Variants in GSE1 observed in about 807,000 individuals in gnomAD.
GSE1 encodes the protein genetic suppressor element 1.
GSE1 carries 32 observed loss-of-function variants against 112.6 expected under a neutral mutation model. That is an observed-to-expected ratio of 0.28 (90% CI 0.21 to 0.38). GSE1 has a LOEUF of 0.38. Ranked by LOEUF, GSE1 falls within the 10% of genes least tolerant of loss-of-function variation. The pLI is 1.00. For missense variants in GSE1, 2,348 were observed against 1,699.2 expected (o/e 1.38, Z -6.71); for synonymous variants, 1,115 against 735.6 (o/e 1.52, Z -8.35).
At chr16:85,569,688 T>C (rs1206269019) in intron 1 of GSE1, among the ~76,000 whole-genome samples, 3 of 152,214 alleles carry the variant, frequency 2.0e-5, no homozygotes, top group African/African-American at 4.8e-5. Flanking sequence ...CACACGGGTA[T>C]ATGCGGATGA....
intron 1 of GSE1, among the ~76,000 whole-genome samples, chr16:85,242,362 C>T (rs1905236074): frequency 6.6e-6 from 1 of 152,194 alleles, no homozygotes; most frequent in East Asian, 1.9e-4. Flanking sequence ...GTCACCCTCC[C>T]CGCACCCCCA....
chr16:85,562,828 C>T (rs901171753), intron 1 of GSE1, among the ~76,000 whole-genome samples: 3 of 152,054 alleles, frequency 2.0e-5, no homozygotes, highest in Non-Finnish European at 4.4e-5. Flanking sequence ...GGTCAGGAGA[C>T]CTCGCAGGCC....
At chr16:85,202,742 C>G (rs1209602451) in intron 1 of GSE1, among the ~76,000 whole-genome samples, 1 of 152,252 alleles carries the variant, frequency 6.6e-6, no homozygotes, top group Non-Finnish European at 1.5e-5. Context: ...CACCCAGCTC[C>G]CTGTGTCTGT....
At chr16:85,619,108 G>T (rs2048562105) in intron 1 of GSE1, among the ~76,000 whole-genome samples, 1 of 152,180 alleles carries the variant, frequency 6.6e-6, no homozygotes. Context: ...GACCCTGCCG[G>T]CCCCTCTGCT....
intron 2 of GSE1, among the ~76,000 whole-genome samples, chr16:85,366,182 G>C (rs944254740): frequency 1.3e-5 from 2 of 152,402 alleles, no homozygotes; most frequent in Admixed American, 1.3e-4. Context: ...AGCCTTGCCT[G>C]TAGCGGCTCC....
rs749364761 is a variant in GSE1, at chr16:85,657,607, G to A, written c.1640+3G>A. 6.6e-7 allele frequency: 1 copy of A among 1,508,326 alleles called. No individual in the cohort carries two copies. The highest frequency in any genetic ancestry group is 8.9e-7 in the Non-Finnish European group (1 of 1,129,042). The allele number at this position is 1,508,326 out of a possible 1,614,324, so 93.4% of individuals were successfully genotyped here. ...CACAGGCCGGAGAGCACCACCAGGT[G>A]AGTGAGCCCCAGGAAGGAAGGAGGG... On this transcript the variant is annotated splice_donor_region_variant and intron_variant, in intron 8 of 15. Coordinates refer to ENST00000253458, the MANE Select transcript of GSE1 (RefSeq NM_014615.5).
chr16:85,664,066 T>C (rs2052644125), intron 11 of GSE1, among the ~76,000 whole-genome samples: 1 of 152,256 alleles, frequency 6.6e-6, no homozygotes, highest in Non-Finnish European at 1.5e-5. Flanking sequence ...ACTGAGCAGA[T>C]GGCTTGCCTT....
chr16:85,525,388 G>A (rs571612640), intron 2 of GSE1, among the ~76,000 whole-genome samples: 5 of 152,296 alleles, frequency 3.3e-5, no homozygotes, highest in South Asian at 4.1e-4. Flanking sequence ...AGCAGCTGTC[G>A]GCGTGGCTGT....
intron 1 of GSE1, among the ~76,000 whole-genome samples, chr16:85,276,671 G>A (rs555346986): frequency 6.6e-6 from 1 of 152,320 alleles, no homozygotes; most frequent in African/African-American, 2.4e-5. Context: ...TTCGGTGGCG[G>A]GAGACAGGAT....
At chr16:85,287,501 C>A (rs914848536) in intron 1 of GSE1, among the ~76,000 whole-genome samples, 75 of 152,292 alleles carry the variant, frequency 4.9e-4, no homozygotes, top group Non-Finnish European at 4.4e-5. Context: ...CCCTGCTGGC[C>A]TTCTTGCTGT....
At chr16:85,250,392 G>A (rs1387680819) in intron 1 of GSE1, among the ~76,000 whole-genome samples, 9 of 152,160 alleles carry the variant, frequency 5.9e-5, no homozygotes, top group African/African-American at 1.2e-4. Flanking sequence ...GGGCGTCTGC[G>A]CTTGGCTGGC....
chr16:85,329,582 C>T (rs1039803003), intron 1 of GSE1, among the ~76,000 whole-genome samples: 5 of 151,926 alleles, frequency 3.3e-5, no homozygotes, highest in Admixed American at 1.3e-4. Flanking sequence ...CAGCAACAAG[C>T]CCCTGGGGGG....
chr16:85,435,910 G>A (rs923795122), intron 2 of GSE1, among the ~76,000 whole-genome samples: 5 of 152,136 alleles, frequency 3.3e-5, no homozygotes, highest in Non-Finnish European at 7.3e-5. Flanking sequence ...GGACTTGTGT[G>A]TGCCTAAGTC....
intron 2 of GSE1, among the ~76,000 whole-genome samples, chr16:85,486,656 C>G (rs2050850052): frequency 6.6e-6 from 1 of 152,210 alleles, no homozygotes; most frequent in Non-Finnish European, 1.5e-5. Flanking sequence ...CACTCCTGCC[C>G]TGGCGAGGAT....
intron 1 of GSE1, among the ~76,000 whole-genome samples, chr16:85,299,660 G>T (rs4783160): frequency 0.3 from 45,638 of 151,954 alleles, 7,746 homozygotes; most frequent in East Asian, 0.45. Flanking sequence ...AGGCAAGGTA[G>T]CTCACACCTA....
chr16:85,648,784 T>TTAGAGGACG, intron 3 of GSE1, 33 bp downstream of exon 3: 3 of 1,314,602 alleles, frequency 2.3e-6, no homozygotes, highest in Non-Finnish European at 3.1e-6. Context: ...CCTAGCGTCC[T>TTAGAGGACG]CTAAGTGGGG....
At chr16:85,305,572 C>G (rs1034577867) in intron 1 of GSE1, among the ~76,000 whole-genome samples, 1 of 152,146 alleles carries the variant, frequency 6.6e-6, no homozygotes, top group African/African-American at 2.4e-5. Context: ...CCTCCGCCTC[C>G]TGGGTTCGAG....
intron 2 of GSE1, among the ~76,000 whole-genome samples, chr16:85,457,214 G>A (rs547467497): frequency 6.6e-6 from 1 of 152,348 alleles, no homozygotes; most frequent in South Asian, 2.1e-4. Flanking sequence ...GAGAGTGGAA[G>A]GGCAGAGGCC....
At chr16:85,582,399 C>T (rs1018548563) in intron 1 of GSE1, among the ~76,000 whole-genome samples, 16 of 152,194 alleles carry the variant, frequency 1.1e-4, no homozygotes, top group African/African-American at 3.9e-4. Context: ...TGCTGGGTTC[C>T]TGGGAATGCT....
Sources: allele counts gnomAD v4.1 joint callset (sites outside exome capture counted in the v4.1 genomes callset), GRCh38; gene constraint gnomAD v4.1.1; transcripts MANE v1.5; gene names NCBI Gene and HGNC (gene_info 2026-07-23, HGNC 2026-07-21).